OR2L13: variants seen among roughly 807,000 people sequenced by gnomAD.
OR2L13 encodes olfactory receptor 2L13.
A neutral mutation model predicts 15.3 loss-of-function variants in OR2L13; 14 were observed. The ratio of observed to expected loss-of-function variants is 0.91; its 90% CI spans 0.60 to 1.43. The LOEUF (loss-of-function observed/expected upper bound fraction) is 1.43, where lower values mean the gene tolerates loss of function less well. OR2L13 is among the 40% of genes most tolerant of loss of function. The probability of loss-of-function intolerance (pLI) is 0.00; values close to 1 mark genes in which losing one functional copy is unlikely to be tolerated. For synonymous variants in OR2L13, 152 were observed against 142.9 expected, an observed-to-expected ratio of 1.06 and a Z score of -0.45; for missense variants, 367 against 387.9, an observed-to-expected ratio of 0.95 and a Z score of 0.45.
chr1:248,070,290 G>A, the OR2L13 span, among the ~76,000 whole-genome samples: 1 of 152,034 alleles, frequency 6.6e-6, no homozygotes, highest in Admixed American at 6.6e-5. Flanking sequence ...AGACCACAGT[G>A]CAATCAAACT....
the OR2L13 span, among the ~76,000 whole-genome samples, chr1:247,964,851 A>T: frequency 6.7e-6 from 1 of 149,120 alleles, no homozygotes; most frequent in East Asian, 1.9e-4. Flanking sequence ...TATGTAATAT[A>T]TAATATATTG....
chr1:247,979,035 A>G, the OR2L13 span, among the ~76,000 whole-genome samples: 1 of 152,134 alleles, frequency 6.6e-6, no homozygotes, highest in East Asian at 1.9e-4. Context: ...TTTCTTTCAT[A>G]CAGAAATCCT....
At chr1:248,038,793 T>A in the OR2L13 span, 1 of 1,614,146 alleles carries the variant, frequency 6.2e-7, no homozygotes, top group South Asian at 1.1e-5. Context: ...CATCAATCAT[T>A]TTTTCTGTGA....
chr1:248,068,773 C>G, the OR2L13 span, among the ~76,000 whole-genome samples: 22,903 of 152,004 alleles, frequency 0.15, 3,287 homozygotes, highest in African/African-American at 0.38. Flanking sequence ...ACAGAGTAGT[C>G]CTTAAAGGAG....
chr1:248,040,602 CT>C, the OR2L13 span: 8 of 152,326 alleles, frequency 5.3e-5, no homozygotes, highest in East Asian at 1.5e-3. Context: ...AACATATTTT[CT>C]CTTTCTGATG....
the OR2L13 span, chr1:247,965,608 G>A: frequency 6.4e-7 from 1 of 1,568,008 alleles, no homozygotes; most frequent in Non-Finnish European, 8.6e-7. Context: ...CTCCACCACA[G>A]TGCCCAAGAT....
chr1:247,977,017 C>T, the OR2L13 span, among the ~76,000 whole-genome samples: 1 of 151,774 alleles, frequency 6.6e-6, no homozygotes. Context: ...TCAACTTTAT[C>T]TTTATATTCT....
At chr1:247,963,818 C>CACATTCCATAGGTAGACA in the OR2L13 span, among the ~76,000 whole-genome samples, 4 of 152,190 alleles carry the variant, frequency 2.6e-5, no homozygotes, top group East Asian at 7.7e-4. Context: ...ACATATATGA[C>CACATTCCATAGGTAGACA]CATATATTAT....
the OR2L13 span, among the ~76,000 whole-genome samples, chr1:248,070,902 T>A: frequency 6.6e-6 from 1 of 152,138 alleles, no homozygotes. Context: ...CCTCGACACA[T>A]ACACCCTCCC....
chr1:248,058,140 T>C, the OR2L13 span, among the ~76,000 whole-genome samples: 1 of 152,126 alleles, frequency 6.6e-6, no homozygotes, highest in Non-Finnish European at 1.5e-5. Context: ...ACTTTAATGT[T>C]TTATGAAAGA....
chr1:247,987,125 T>C, the OR2L13 span, among the ~76,000 whole-genome samples: 47 of 152,204 alleles, frequency 3.1e-4, no homozygotes, highest in African/African-American at 1.0e-3. Context: ...ACTTGAAGCC[T>C]AGGCTCAAAA....
the OR2L13 span, among the ~76,000 whole-genome samples, chr1:248,042,548 AAAAAC>A: frequency 1.1e-4 from 17 of 152,042 alleles, no homozygotes; most frequent in African/African-American, 3.4e-4. Context: ...CAAAAAAACA[AAAAAC>A]AAAAACAAAC....
the OR2L13 span, among the ~76,000 whole-genome samples, chr1:248,050,318 C>T: frequency 6.6e-6 from 1 of 151,780 alleles, no homozygotes; most frequent in East Asian, 1.9e-4. Context: ...AAAATACCTT[C>T]CTTATAGCTA....
At chr1:248,045,073 G>A in the OR2L13 span, among the ~76,000 whole-genome samples, 11 of 152,100 alleles carry the variant, frequency 7.2e-5, no homozygotes, top group Non-Finnish European at 1.5e-4. Flanking sequence ...TTTTACAACA[G>A]ATTTGACATA....
the OR2L13 span, among the ~76,000 whole-genome samples, chr1:247,956,954 T>G: frequency 2.8e-4 from 43 of 152,260 alleles, no homozygotes; most frequent in South Asian, 8.5e-3. Flanking sequence ...CCTGCCTGAT[T>G]GCCCTGGCCA....
At chr1:248,037,990 T>C in the OR2L13 span, among the ~76,000 whole-genome samples, 1 of 152,182 alleles carries the variant, frequency 6.6e-6, no homozygotes, top group African/African-American at 2.4e-5. Context: ...GAAAGAAAAA[T>C]ATAGATTGCA....
the OR2L13 span, among the ~76,000 whole-genome samples, chr1:247,959,130 C>G: frequency 2.6e-5 from 4 of 152,112 alleles, no homozygotes; most frequent in African/African-American, 9.7e-5. Flanking sequence ...TCTTTTAGGT[C>G]AGGCCTGGTG....
chr1:247,970,765 T>G, the OR2L13 span, among the ~76,000 whole-genome samples: 4 of 152,162 alleles, frequency 2.6e-5, no homozygotes, highest in Non-Finnish European at 5.9e-5. Context: ...GTAACTTTAT[T>G]TATTCAGATC....
At chr1:248,083,926 G>A in the OR2L13 span, 1 of 1,611,658 alleles carries the variant, frequency 6.2e-7, no homozygotes, top group Non-Finnish European at 8.5e-7. Context: ...CGCATGTGCA[G>A]AACAGCAGCG....
Sources: allele counts gnomAD v4.1 joint callset (sites outside exome capture counted in the v4.1 genomes callset), GRCh38; gene constraint gnomAD v4.1.1; transcripts MANE v1.5; gene names NCBI Gene and HGNC (gene_info 2026-07-23, HGNC 2026-07-21).